AHCTF1: variants seen among roughly 807,000 people sequenced by gnomAD.
AHCTF1 encodes protein ELYS.
In AHCTF1, 24 loss-of-function variants were observed where a neutral mutation model predicts 248.4. That is an observed-to-expected ratio of 0.10 (90% CI 0.07 to 0.14). The LOEUF (loss-of-function observed/expected upper bound fraction) is 0.14, where lower values mean the gene tolerates loss of function less well. Among genes scored for constraint, AHCTF1 ranks in the 10% least tolerant of loss-of-function variants. The pLI is 1.00. For synonymous variants in AHCTF1, 786 were observed against 929.8 expected, an observed-to-expected ratio of 0.85 and a Z score of 2.81; for missense variants, 2,206 against 2,636.2, an observed-to-expected ratio of 0.84 and a Z score of 3.57.
chr1:246,892,695 G>A (rs1016516486), intron 14 of AHCTF1, among the ~76,000 whole-genome samples: 1 of 151,964 alleles, frequency 6.6e-6, no homozygotes, highest in Non-Finnish European at 1.5e-5. Context: ...GCAATGGTAC[G>A]ATCACAGCTC....
In AHCTF1 at chr1:246,848,957, A is replaced by G. The variant is rs536627847; in HGVS notation, c.6391+658T>C. On this transcript the variant is annotated intron_variant, in intron 33 of 35. Coordinates refer to ENST00000648844, the MANE Select transcript of AHCTF1 (RefSeq NM_001323342.2). ...AGCCACACCAGTGTCTTAACTTTTT[A>G]GACATGTTTAAAGCACCCCCTATTA... Among the ~76,000 whole-genome samples the G allele has an allele frequency of 6.4e-4, 97 of 152,324 alleles. 1 individual carries two copies. The South Asian group carries it at 0.013, about 21-fold the overall frequency.
chr1:246,853,120 C>T lies in AHCTF1; in HGVS notation c.4534G>A (p.Asp1512Asn). Residue 1512 changes from aspartate to asparagine, a missense_variant, in exon 32 of 36, where the codon GAC (aspartate) becomes AAC (asparagine). Physicochemically the swap from Asp to Asn is conservative, Grantham distance 23. This residue lies in a region of AHCTF1 where 955 missense variants were observed against 1,055.6 expected (regional missense o/e 0.90). Transcript: ENST00000648844. ...DLPEEKLPIS[D>N]SPPDTQEIHV... is the part of the protein sequence containing the mutation. ...ATTTCTTGAGTATCAGGAGGGCTGTCAGAAATTGGAAGCTTTTCTTCTGGT... is the reference window on the plus strand; with the variant it reads ...ATTTCTTGAGTATCAGGAGGGCTGTTAGAAATTGGAAGCTTTTCTTCTGGT... The T allele has an allele frequency of 6.2e-7, 1 of 1,609,614 alleles. No homozygotes were observed. Among genetic ancestry groups the T allele is most frequent in the Non-Finnish European group, 8.5e-7 (1 of 1,178,528 alleles).
rs181270182 is a variant in AHCTF1, at chr1:246,906,906, T to C, written c.764+645A>G. 4.2e-3 allele frequency among the ~76,000 whole-genome samples: 633 copies of C among 152,338 alleles called. 5 individuals are homozygous for C. The highest frequency in any genetic ancestry group is 7.0e-3 in the Non-Finnish European group (474 of 68,034). ...TGAGAATTCTTTATTAAGCTGTTAC[T>C]TTACACAGATGATGATTAGGAAGGT... On this transcript the variant is annotated intron_variant, in intron 5 of 35. Transcript: ENST00000648844.
rs374602603 is a variant in AHCTF1 at position 246,850,773 on chromosome 1, G to C, written c.5233C>G (p.Arg1745Gly). ...VSSKTRTRGQ[R>G]IQNVNVKSAQ... ...GATTTGACATTCACGTTTTGGATAC[G>C]TTGACCTCTCGTACGAGTTTTGGAG... Residue 1745 changes from arginine (R) to glycine (G), a missense_variant, in exon 33 of 36, where the codon CGT (arginine) becomes GGT (glycine). Coordinates refer to ENST00000648844, the MANE Select transcript of AHCTF1 (RefSeq NM_001323342.2). 6.8e-6 allele frequency: 11 copies of C among 1,613,716 alleles called. No homozygotes were observed. The Admixed American group carries it at 1.0e-4, about 15-fold the overall frequency.
chr1:246,857,567 A>G (rs1344167684), intron 30 of AHCTF1, 124 bp downstream of exon 30: 2 of 1,055,970 alleles, frequency 1.9e-6, no homozygotes, highest in Non-Finnish European at 2.6e-6. Flanking sequence ...AACAGCCAAC[A>G]TTACCAAAAT....
intron 5 of AHCTF1, among the ~76,000 whole-genome samples, chr1:246,907,044 T>C (rs986381665): frequency 2.6e-5 from 4 of 152,188 alleles, no homozygotes; most frequent in African/African-American, 9.7e-5. Flanking sequence ...CATCATACAG[T>C]CTAGTAACAC....
At chr1:246,911,289 T>C (rs1449737163) in intron 4 of AHCTF1, among the ~76,000 whole-genome samples, 4 of 152,184 alleles carry the variant, frequency 2.6e-5, no homozygotes, top group Non-Finnish European at 5.9e-5. Context: ...CAAAAGCCTA[T>C]CAAGCCTACT....
chr1:246,877,919 ATTTAT>A (rs1184800051), intron 21 of AHCTF1, among the ~76,000 whole-genome samples: 1 of 151,850 alleles, frequency 6.6e-6, no homozygotes, highest in African/African-American at 2.4e-5. Flanking sequence ...ACTGTTATTT[ATTTAT>A]TTTTATTTTT....
At chr1:246,909,277 C>T (rs1487976438) in intron 4 of AHCTF1, among the ~76,000 whole-genome samples, 1 of 145,578 alleles carries the variant, frequency 6.9e-6, no homozygotes, top group Non-Finnish European at 1.5e-5. Context: ...ATTGGCCGCA[C>T]ATGGTGGTGT....
intron 21 of AHCTF1, among the ~76,000 whole-genome samples, chr1:246,878,596 G>C (rs1367817404): frequency 4.6e-5 from 7 of 152,054 alleles, no homozygotes; most frequent in Non-Finnish European, 8.8e-5. Context: ...AAGTTCTGAA[G>C]ATATACACTA....
At chr1:246,858,053 A>G (rs966234441) in intron 29 of AHCTF1, among the ~76,000 whole-genome samples, 2 of 149,224 alleles carry the variant, frequency 1.3e-5, no homozygotes, top group African/African-American at 4.9e-5. Flanking sequence ...TCTGCCTCCC[A>G]GGTTCACGCC....
At chr1:246,861,920 T>C (rs776791923) in intron 28 of AHCTF1, 39 bp downstream of exon 28, 3 of 1,530,886 alleles carry the variant, frequency 2.0e-6, no homozygotes, top group Non-Finnish European at 2.7e-6. Context: ...TACATTCTTA[T>C]TAAAAAATGT....
chr1:246,868,720 C>G (rs1662232833), intron 24 of AHCTF1, among the ~76,000 whole-genome samples: 2 of 150,938 alleles, frequency 1.3e-5, no homozygotes, highest in South Asian at 2.1e-4. Flanking sequence ...AATAAACAGT[C>G]AAATCTTCTA....
intron 12 of AHCTF1, among the ~76,000 whole-genome samples, chr1:246,897,627 G>A (rs1471242193): frequency 1.3e-5 from 2 of 152,160 alleles, no homozygotes; most frequent in Non-Finnish European, 2.9e-5. Flanking sequence ...AATACTGTAA[G>A]CAACTGTAAC....
At position 246,887,313 on chromosome 1, in the gene AHCTF1, TTTG is replaced by T; in HGVS notation, c.2367_2369del (p.Asn789del). ...GGAAAGATTCAATGGGAGTGTCTGT[TTTG>T]TTGGGAAAGGAATACATAATATCAA... On this transcript the variant is annotated inframe_deletion, in exon 20 of 36. Coordinates refer to ENST00000648844, the MANE Select transcript of AHCTF1 (RefSeq NM_001323342.2). 6.2e-7 allele frequency: 1 copy of T among 1,613,302 alleles called. No homozygotes were observed. Among genetic ancestry groups the T allele is most frequent in the Non-Finnish European group, 8.5e-7 (1 of 1,179,656 alleles).
chr1:246,921,686 TCAA>T (rs1666560369), intron 1 of AHCTF1, among the ~76,000 whole-genome samples: 1 of 152,076 alleles, frequency 6.6e-6, no homozygotes, highest in African/African-American at 2.4e-5. Context: ...GAGAAATGAC[TCAA>T]CAACAGTAGT....
At chr1:246,931,076 G>C (rs1667317309) in intron 1 of AHCTF1, 1 of 1,542,286 alleles carries the variant, frequency 6.5e-7, no homozygotes, top group Non-Finnish European at 8.8e-7. Flanking sequence ...GGGTGAGCTG[G>C]AACCTCACGG....
chr1:246,911,793 A>G (rs1665824260), intron 4 of AHCTF1, among the ~76,000 whole-genome samples: 1 of 150,978 alleles, frequency 6.6e-6, no homozygotes, highest in Non-Finnish European at 1.5e-5. Flanking sequence ...TCTTCTATTA[A>G]GATATTTTAA....
In AHCTF1 at chr1:246,897,717, A is replaced by G. The variant is rs113045510; in HGVS notation, c.1623+491T>C. ...TATTACAGGCTGGGCAAGGTGGCTC[A>G]TGCCTGTAATTTCAGCACTTTGGGA... is the stretch of plus-strand genomic sequence containing the variant. On this transcript the variant is annotated intron_variant, in intron 12 of 35. Coordinates refer to ENST00000648844, the MANE Select transcript of AHCTF1 (RefSeq NM_001323342.2). Among the ~76,000 whole-genome samples the G allele has an allele frequency of 1.5e-3, 236 of 152,290 alleles. 1 individual carries two copies. The highest frequency in any genetic ancestry group is 5.4e-3 in the African/African-American group (224 of 41,570).
Sources: allele counts gnomAD v4.1 joint callset (sites outside exome capture counted in the v4.1 genomes callset), GRCh38; gene constraint gnomAD v4.1.1; regional missense constraint gnomAD v4.1.1; transcripts MANE v1.5; gene names NCBI Gene and HGNC (gene_info 2026-07-23, HGNC 2026-07-21).